Variants in OR51L1 observed in about 807,000 individuals in gnomAD.
OR51L1 encodes olfactory receptor 51L1.
Under a neutral mutation model 1.4 loss-of-function variants are expected in OR51L1, and 1 was observed. The ratio of observed to expected loss-of-function variants is 0.72; its 90% CI spans 0.26 to 3.42. The LOEUF (loss-of-function observed/expected upper bound fraction) is 3.42, where lower values mean the gene tolerates loss of function less well. Among genes scored for constraint, OR51L1 ranks in the 30% most tolerant of loss-of-function variants. OR51L1 has a pLI of 0.20. For missense variants in OR51L1, 378 were observed against 380.0 expected, an observed-to-expected ratio of 0.99 and a Z score of 0.04; for synonymous variants, 156 against 144.2, an observed-to-expected ratio of 1.08 and a Z score of -0.59.
rs1847083962 is a variant in OR51L1 at position 4,997,566 on chromosome 11, C to A, written c.-177C>A. The A allele has an allele frequency of 6.6e-6, 1 of 152,094 alleles. No homozygotes were observed. The highest frequency in any genetic ancestry group is 2.4e-5 in the African/African-American group (1 of 41,404). 9.4% of individuals were successfully genotyped at this position (152,094 alleles called of 1,614,324 possible). The stretch of plus-strand genomic sequence containing the variant: ...AGATGTTGCTGAAGTCTATGAGGCC[C>A]AGACTCTAAGGGACAAGGTAAGTAA... On this transcript the variant is annotated 5_prime_UTR_variant, in exon 2 of 3. Coordinates refer to ENST00000641819, the MANE Select transcript of OR51L1 (RefSeq NM_001004755.2).
At chr11:4,998,175 T>C (rs1270939028) in intron 2 of OR51L1, among the ~76,000 whole-genome samples, 4 of 149,168 alleles carry the variant, frequency 2.7e-5, no homozygotes, top group Non-Finnish European at 5.9e-5. Context: ...TTTCAAACTA[T>C]TTAAACTCTT....
Position 4,999,867 on chromosome 11 carries a change from T to C in OR51L1, c.885T>C (p.Ser295=). Residue 295 remains serine, a synonymous_variant, in exon 3 of 3, where the codon AGT becomes AGC. Coordinates refer to ENST00000641819, the MANE Select transcript of OR51L1 (RefSeq NM_001004755.2). ...LPPVLNPIVY[S]VRTKQIRLGI... ...CAGTCCTTAACCCTATTGTCTATAG[T>C]GTCAGAACAAAGCAGATTCGTCTAG... 1.2e-6 allele frequency: 2 copies of C among 1,613,862 alleles called. No homozygotes were observed. The highest frequency in any genetic ancestry group is 2.2e-5 in the East Asian group (1 of 44,862).
At position 4,999,787 on chromosome 11, in the gene OR51L1, C is replaced by A. The variant is rs139017802; in HGVS notation, c.805C>A (p.His269Asn). The A allele has an allele frequency of 1.9e-5, 30 of 1,613,964 alleles. No individual in the cohort carries two copies. The highest frequency in any genetic ancestry group is 2.5e-5 in the Non-Finnish European group (30 of 1,180,016). ...GTCAATGGTCCATCGCTTTGGGAAGCATCTGTCTCCCATAGTCCACATCCT... is the reference window on the plus strand; with the variant it reads ...GTCAATGGTCCATCGCTTTGGGAAGAATCTGTCTCCCATAGTCCACATCCT... Reference protein sequence around the residue: ...GVSMVHRFGKHLSPIVHILMA... With the variant: ...GVSMVHRFGKNLSPIVHILMA... The change falls in exon 3 of 3, where the codon CAT becomes AAT. Residue 269 changes from histidine (H) to asparagine (N), a missense_variant. Coordinates refer to ENST00000641819, the MANE Select transcript of OR51L1 (RefSeq NM_001004755.2).
chr11:5,003,156 A>G lies in OR51L1; in HGVS notation c.*3226A>G, dbSNP rs1847146431. 1 of 152,214 alleles carries G rather than the reference A, an allele frequency of 6.6e-6. No individual in the cohort carries two copies. The highest frequency in any genetic ancestry group is 1.5e-5 in the Non-Finnish European group (1 of 68,048). The allele number at this position is 152,214 out of a possible 1,614,324, so 9.4% of individuals were successfully genotyped here. A position where few individuals can be genotyped will look rare whatever the true frequency, so the allele number is the denominator to read the frequency against. ...GAAAAAAGGAAAGTACGCTTGGAAG[A>G]GACCCAAGGGTAAATTGAAGGACAA... On this transcript the variant is annotated 3_prime_UTR_variant, in exon 3 of 3. Coordinates refer to ENST00000641819, the MANE Select transcript of OR51L1 (RefSeq NM_001004755.2).
At chr11:4,996,729 C>CTT (rs1277468095) in intron 1 of OR51L1, among the ~76,000 whole-genome samples, 2 of 113,564 alleles carry the variant, frequency 1.8e-5, no homozygotes, top group African/African-American at 6.9e-5. Flanking sequence ...TCTTTTCTTT[C>CTT]TTTCTTTCTT....
At chr11:4,996,721 T>TTTTCTTTTCTTTC (rs773262061) in intron 1 of OR51L1, among the ~76,000 whole-genome samples, 2,056 of 106,296 alleles carry the variant, frequency 0.019, 37 homozygotes, top group African/African-American at 0.031. Context: ...CTTTCTTTTC[T>TTTTCTTTTCTTTC]TTTCTTTCTT....
chr11:4,998,065 C>T (rs1445152457), intron 2 of OR51L1, among the ~76,000 whole-genome samples: 1 of 151,940 alleles, frequency 6.6e-6, no homozygotes, highest in Non-Finnish European at 1.5e-5. Flanking sequence ...TAATAGATAA[C>T]TGTTAAATGC....
rs1439857694 is a variant in OR51L1 at position 5,000,275 on chromosome 11, A to G, written c.*345A>G. 1 of 184,904 alleles carries G rather than the reference A, an allele frequency of 5.4e-6. No individual in the cohort carries two copies. Among genetic ancestry groups the G allele is most frequent in the African/African-American group, 2.4e-5 (1 of 42,394 alleles). The allele number at this position is 184,904 out of a possible 1,614,324, so 11.5% of individuals were successfully genotyped here. A position where few individuals can be genotyped will look rare whatever the true frequency, so the allele number is the denominator to read the frequency against. ...TTCCTTCTTAAATGTAGCTGTGTTT[A>G]TATTGTTTCTCATGTTAATTATCTA... On this transcript the variant is annotated 3_prime_UTR_variant, in exon 3 of 3. Transcript: ENST00000641819.
In OR51L1 at chr11:4,998,843, C is replaced by G. The variant is rs1326183809; in HGVS notation, c.-140C>G. 2.2e-6 allele frequency: 2 copies of G among 900,640 alleles called. No individual in the cohort carries two copies. The highest frequency in any genetic ancestry group is 3.3e-5 in the African/African-American group (2 of 59,882). The allele number at this position is 900,640 out of a possible 1,614,324, so 55.8% of individuals were successfully genotyped here. A position where few individuals can be genotyped will look rare whatever the true frequency, so the allele number is the denominator to read the frequency against. ...ACATAGGGCCGACAAGAGATACCAG[C>G]TTCCTTCCTCTGTGAGGTTAGACGA... On this transcript the variant is annotated 5_prime_UTR_variant, in exon 3 of 3. Transcript: ENST00000641819.
In OR51L1 at chr11:4,999,532, C is replaced by A. The variant is rs779583976; in HGVS notation, c.550C>A (p.Gln184Lys). The change falls in exon 3 of 3, where the codon CAG becomes AAG. Residue 184 changes from glutamine (Q) to lysine (K), a missense_variant. Physicochemically the swap from Gln to Lys is moderately conservative, Grantham distance 53. Coordinates refer to ENST00000641819, the MANE Select transcript of OR51L1 (RefSeq NM_001004755.2). ...NALSHAFCLH[Q>K]DVLRLSCTDA... ...CCTCTCTCACGCCTTCTGTTTGCACCAGGATGTTCTAAGATTATCCTGTAC... is the reference window on the plus strand; with the variant it reads ...CCTCTCTCACGCCTTCTGTTTGCACAAGGATGTTCTAAGATTATCCTGTAC... 2 of 1,613,964 alleles carry A rather than the reference C, an allele frequency of 1.2e-6. No homozygotes were observed. The highest frequency in any genetic ancestry group is 1.7e-6 in the Non-Finnish European group (2 of 1,179,982).
intron 1 of OR51L1, among the ~76,000 whole-genome samples, chr11:4,996,375 G>A (rs1172165055): frequency 1.3e-5 from 2 of 151,752 alleles, no homozygotes; most frequent in Non-Finnish European, 2.9e-5. Flanking sequence ...AAATTAATAG[G>A]GATTACAAAC....
At chr11:4,998,719 A>G (rs1407457168) in intron 2 of OR51L1, 105 bp from the exon 3 acceptor site, 3 of 391,632 alleles carry the variant, frequency 7.7e-6, no homozygotes, top group Non-Finnish European at 1.4e-5. Flanking sequence ...AGTGTCTTTG[A>G]TGCAAATCCA....
chr11:5,003,223 G>C lies in OR51L1; in HGVS notation c.*3293G>C, dbSNP rs775047111. ...TAATCCTAGGACCTTATAGTCTGGC[G>C]CCTTTCCCGTGATCCTTCCCTTAGA... is the stretch of plus-strand genomic sequence containing the variant. On this transcript the variant is annotated 3_prime_UTR_variant, in exon 3 of 3. Transcript: ENST00000641819. 2 of 152,200 alleles carry C rather than the reference G, an allele frequency of 1.3e-5. No homozygotes were observed. Among genetic ancestry groups the C allele is most frequent in the Admixed American group, 6.6e-5 (1 of 15,266 alleles). The allele number at this position is 152,200 out of a possible 1,614,324, so 9.4% of individuals were successfully genotyped here.
chr11:4,999,950 T>C lies in OR51L1; in HGVS notation c.*20T>C. ...TTTTAAGTAACCTCTGTCCTCCAAC[T>C]TTTCCACTGAAAATCTCATGGAAGC... On this transcript the variant is annotated 3_prime_UTR_variant, in exon 3 of 3. Transcript: ENST00000641819. 6.4e-7 allele frequency: 1 copy of C among 1,561,536 alleles called. No homozygotes were observed.
Position 4,999,033 on chromosome 11 carries a change from G to A in OR51L1, c.51G>A (p.Arg17=), listed in dbSNP as rs768140844. ...SDAVEPIFIL[R]GFPGLEYVHS... ...CTGTGGAGCCCATATTTATCCTGAG[G>A]GGTTTTCCTGGACTGGAGTATGTTC... Residue 17 remains arginine, a synonymous_variant, in exon 3 of 3, where the codon AGG becomes AGA. Coordinates refer to ENST00000641819, the MANE Select transcript of OR51L1 (RefSeq NM_001004755.2). 2.5e-6 allele frequency: 4 copies of A among 1,613,966 alleles called. No individual in the cohort carries two copies. The highest frequency in any genetic ancestry group is 1.7e-4 in the Middle Eastern group (1 of 6,060).
At chr11:4,996,490 G>A (rs1847069663) in intron 1 of OR51L1, among the ~76,000 whole-genome samples, 1 of 152,022 alleles carries the variant, frequency 6.6e-6, no homozygotes. Context: ...ATAAAGCAGG[G>A]AGAAAGAGAA....
intron 1 of OR51L1, among the ~76,000 whole-genome samples, chr11:4,997,142 G>A (rs1012567931): frequency 1.8e-4 from 27 of 152,166 alleles, no homozygotes; most frequent in African/African-American, 6.3e-4. Context: ...AGAAGATGGA[G>A]GATTCCTGTA....
intron 1 of OR51L1, among the ~76,000 whole-genome samples, chr11:4,996,775 T>C (rs1470050397): frequency 2.0e-5 from 3 of 151,112 alleles, no homozygotes; most frequent in Admixed American, 6.6e-5. Flanking sequence ...CTTTCATTTC[T>C]CTCTCTCTGT....
intron 1 of OR51L1, among the ~76,000 whole-genome samples, chr11:4,996,505 A>G (rs193089111): frequency 5.9e-5 from 9 of 152,102 alleles, no homozygotes; most frequent in African/African-American, 9.6e-5. Flanking sequence ...AGAGAATTCT[A>G]AAGAGTAGTG....
Sources: allele counts gnomAD v4.1 joint callset (sites outside exome capture counted in the v4.1 genomes callset), GRCh38; gene constraint gnomAD v4.1.1; transcripts MANE v1.5; gene names NCBI Gene and HGNC (gene_info 2026-07-23, HGNC 2026-07-21).